GHR: variants seen among roughly 807,000 people sequenced by gnomAD.
GHR encodes the protein GH receptor.
In GHR, 35 loss-of-function variants were observed where a neutral mutation model predicts 67.1. The observed-to-expected ratio is 0.52, with a 90% CI of 0.40 to 0.69. GHR has a LOEUF of 0.69. GHR is among the 30% of genes least tolerant of loss of function. The probability of loss-of-function intolerance (pLI) is 0.00; values close to 1 mark genes in which losing one functional copy is unlikely to be tolerated. For missense variants in GHR, 792 were observed against 764.6 expected (o/e 1.04, Z -0.42); for synonymous variants, 272 against 269.1 (o/e 1.01, Z -0.10).
chr5:42,518,211 G>A (rs1747326815), intron 1 of GHR, among the ~76,000 whole-genome samples: 1 of 150,576 alleles, frequency 6.6e-6, no homozygotes, highest in Admixed American at 6.6e-5. Flanking sequence ...TTCTGTGTGT[G>A]TGTGGGCAGC....
chr5:42,662,882 G>C (rs1755726122), intron 3 of GHR, among the ~76,000 whole-genome samples: 1 of 151,250 alleles, frequency 6.6e-6, no homozygotes, highest in Non-Finnish European at 1.5e-5. Flanking sequence ...GAAGAAAAGA[G>C]AGTAGAAAAA....
intron 3 of GHR, among the ~76,000 whole-genome samples, chr5:42,677,481 A>G (rs1756627338): frequency 6.6e-6 from 1 of 152,188 alleles, no homozygotes; most frequent in Admixed American, 6.5e-5. Context: ...ACTAATATGT[A>G]ATAATATAGC....
chr5:42,627,892 C>T (rs1753783771), intron 2 of GHR, among the ~76,000 whole-genome samples: 1 of 152,176 alleles, frequency 6.6e-6, no homozygotes, highest in Non-Finnish European at 1.5e-5. Context: ...GCCCAGTGTC[C>T]TAGAAAAAAC....
intron 1 of GHR, among the ~76,000 whole-genome samples, chr5:42,452,835 C>A (rs1370223208): frequency 1.3e-5 from 2 of 151,550 alleles, no homozygotes; most frequent in East Asian, 3.9e-4. Flanking sequence ...TGTTTTTTGC[C>A]TTTTTCTGGT....
chr5:42,603,150 T>C (rs1752463764), intron 2 of GHR, among the ~76,000 whole-genome samples: 1 of 152,134 alleles, frequency 6.6e-6, no homozygotes, highest in African/African-American at 2.4e-5. Context: ...GTGTTTTTTT[T>C]TTCTTTTTTC....
intron 2 of GHR, among the ~76,000 whole-genome samples, chr5:42,570,808 G>T (rs112936670): frequency 9.5e-4 from 144 of 152,262 alleles, no homozygotes; most frequent in African/African-American, 3.1e-3. Context: ...TTTAATCTAG[G>T]TAATAATACT....
chr5:42,501,856 A>G (rs1042852596), intron 1 of GHR, among the ~76,000 whole-genome samples: 4 of 152,254 alleles, frequency 2.6e-5, no homozygotes, highest in Non-Finnish European at 5.9e-5. Flanking sequence ...CTATACTGCC[A>G]AAATGGTTAG....
chr5:42,703,850 T>C (rs777029242), intron 6 of GHR, among the ~76,000 whole-genome samples: 3 of 151,980 alleles, frequency 2.0e-5, no homozygotes, highest in Non-Finnish European at 4.4e-5. Context: ...TTGTTCCTTA[T>C]TAGTGTATAG....
At chr5:42,564,346 CTCACAATGTGTGAGATTTATTTGAAAT>C (rs1561125701) in intron 1 of GHR, among the ~76,000 whole-genome samples, 228 of 150,260 alleles carry the variant, frequency 1.5e-3, no homozygotes, top group African/African-American at 5.3e-3. Context: ...TATTTGAAAT[CTCACAATGTGTGAGATTTATTTGAAAT>C]CTCACAAAGT....
intron 4 of GHR, among the ~76,000 whole-genome samples, chr5:42,694,541 C>G (rs1375752467): frequency 6.6e-6 from 1 of 152,150 alleles, no homozygotes; most frequent in Non-Finnish European, 1.5e-5. Context: ...CTGGGAATCT[C>G]TAGTTTGGGG....
chr5:42,468,874 G>C (rs1744868938), intron 1 of GHR: 1 of 831,812 alleles, frequency 1.2e-6, no homozygotes, highest in Admixed American at 2.9e-5. Flanking sequence ...CATGATGGTT[G>C]CTCGGCGGCA....
intron 3 of GHR, among the ~76,000 whole-genome samples, chr5:42,661,045 G>A (rs1226135816): frequency 6.6e-6 from 1 of 152,024 alleles, no homozygotes; most frequent in Non-Finnish European, 1.5e-5. Flanking sequence ...AAGTGAGAAG[G>A]GAAGTTTAGA....
intron 1 of GHR, among the ~76,000 whole-genome samples, chr5:42,530,190 G>A (rs1391085346): frequency 6.6e-6 from 1 of 151,524 alleles, no homozygotes; most frequent in African/African-American, 2.4e-5. Flanking sequence ...GTTACCATTT[G>A]TGTGTGTGTG....
chr5:42,570,642 G>A (rs538542440), intron 2 of GHR, among the ~76,000 whole-genome samples: 2 of 152,128 alleles, frequency 1.3e-5, no homozygotes, highest in Admixed American at 6.5e-5. Flanking sequence ...TCTTCAGCCT[G>A]CAGAGTAGTT....
At chr5:42,570,578 G>A (rs1478809189) in intron 2 of GHR, among the ~76,000 whole-genome samples, 1 of 151,864 alleles carries the variant, frequency 6.6e-6, no homozygotes, top group Admixed American at 6.6e-5. Context: ...TTAGAGATAG[G>A]AACTTGCTAT....
chr5:42,634,068 A>C (rs1754051885), intron 3 of GHR, among the ~76,000 whole-genome samples: 2 of 152,076 alleles, frequency 1.3e-5, no homozygotes, highest in Admixed American at 6.6e-5. Context: ...CTTTAGTTTA[A>C]GACCCAGTTC....
chr5:42,503,855 G>C (rs938352578), intron 1 of GHR, among the ~76,000 whole-genome samples: 7 of 152,106 alleles, frequency 4.6e-5, no homozygotes, highest in Non-Finnish European at 1.0e-4. Context: ...TCTGGGGGAA[G>C]ATGTCAGAGG....
chr5:42,709,344 T>C (rs1758339474), intron 6 of GHR, among the ~76,000 whole-genome samples: 1 of 152,220 alleles, frequency 6.6e-6, no homozygotes, highest in African/African-American at 2.4e-5. Flanking sequence ...GGTTTCATCA[T>C]GTTGGCCAGA....
At chr5:42,585,240 A>T (rs917466717) in intron 2 of GHR, among the ~76,000 whole-genome samples, 4 of 152,184 alleles carry the variant, frequency 2.6e-5, no homozygotes, top group African/African-American at 4.8e-5. Context: ...CTCCTTTCTG[A>T]TACTCAGCTC....
Sources: allele counts gnomAD v4.1 joint callset (sites outside exome capture counted in the v4.1 genomes callset), GRCh38; gene constraint gnomAD v4.1.1; transcripts MANE v1.5; gene names NCBI Gene and HGNC (gene_info 2026-07-23, HGNC 2026-07-21).